Variants in RABGAP1 observed in about 807,000 individuals in gnomAD.
RABGAP1 encodes the protein rab GTPase-activating protein 1.
A neutral mutation model predicts 137.6 loss-of-function variants in RABGAP1; 23 were observed. The observed-to-expected ratio is 0.17, with a 90% CI of 0.12 to 0.24. The LOEUF is 0.24. Among genes scored for constraint, RABGAP1 ranks in the 10% least tolerant of loss-of-function variants. The pLI is 1.00. For synonymous variants in RABGAP1, 451 were observed against 450.7 expected (o/e 1.00, Z -0.01); for missense variants, 906 against 1,275.8 (o/e 0.71, Z 4.42).
intron 13 of RABGAP1, among the ~76,000 whole-genome samples, chr9:123,063,943 T>A (rs972863797): frequency 1.8e-4 from 28 of 152,236 alleles, no homozygotes; most frequent in South Asian, 8.3e-4. Flanking sequence ...TTCTAACTCT[T>A]CAGCTCTCTG....
intron 13 of RABGAP1, among the ~76,000 whole-genome samples, chr9:123,063,491 T>G (rs1291015770): frequency 4.6e-5 from 7 of 152,244 alleles, no homozygotes; most frequent in Admixed American, 6.5e-5. Context: ...CCAAACTGTT[T>G]ACAAAGTGTT....
chr9:122,953,279 A>C (rs1834347656), intron 1 of RABGAP1, among the ~76,000 whole-genome samples: 1 of 152,194 alleles, frequency 6.6e-6, no homozygotes, highest in Non-Finnish European at 1.5e-5. Context: ...GTGTATTGTT[A>C]AATGTTTTAT....
At chr9:122,984,884 G>A (rs1836285754) in intron 3 of RABGAP1, among the ~76,000 whole-genome samples, 165 bp downstream of exon 3, 1 of 152,114 alleles carries the variant, frequency 6.6e-6, no homozygotes, top group East Asian at 1.9e-4. Context: ...GGATGTGAGA[G>A]GAGTAAAAAT....
At chr9:123,061,370 C>T (rs1023087594) in intron 13 of RABGAP1, among the ~76,000 whole-genome samples, 4 of 152,230 alleles carry the variant, frequency 2.6e-5, no homozygotes, top group African/African-American at 9.6e-5. Context: ...TCGCCTCGGC[C>T]TCCCAAAGTG....
At chr9:122,966,706 C>A (rs1286987230) in intron 2 of RABGAP1, among the ~76,000 whole-genome samples, 1 of 151,908 alleles carries the variant, frequency 6.6e-6, no homozygotes, top group Non-Finnish European at 1.5e-5. Flanking sequence ...ATAAGAAAAC[C>A]CGGGTGTATT....
chr9:123,037,568 AAAC>A (rs1364564590), intron 13 of RABGAP1, among the ~76,000 whole-genome samples: 2 of 152,230 alleles, frequency 1.3e-5, no homozygotes, highest in Non-Finnish European at 2.9e-5. Flanking sequence ...CAGATCTAAA[AAAC>A]CAAAATTTAC....
At chr9:122,977,785 G>T (rs953404432) in intron 2 of RABGAP1, among the ~76,000 whole-genome samples, 1 of 152,164 alleles carries the variant, frequency 6.6e-6, no homozygotes, top group Admixed American at 6.5e-5. Flanking sequence ...CCAACTGAAG[G>T]TCTCTATCCA....
chr9:123,056,900 C>T (rs979732042), intron 13 of RABGAP1, among the ~76,000 whole-genome samples: 1 of 152,264 alleles, frequency 6.6e-6, no homozygotes, highest in Non-Finnish European at 1.5e-5. Flanking sequence ...CAGCAACCAT[C>T]CGATTTCTCA....
At chr9:122,995,295 A>T (rs1225480249) in intron 6 of RABGAP1, among the ~76,000 whole-genome samples, 1 of 152,202 alleles carries the variant, frequency 6.6e-6, no homozygotes, top group Non-Finnish European at 1.5e-5. Context: ...CTTTTTAAAG[A>T]TACCTTGCTT....
At chr9:122,948,731 GTGT>G (rs1834068195) in intron 1 of RABGAP1, among the ~76,000 whole-genome samples, 1 of 152,142 alleles carries the variant, frequency 6.6e-6, no homozygotes, top group Non-Finnish European at 1.5e-5. Flanking sequence ...TTTTGTGACT[GTGT>G]TAACTGTTTT....
intron 13 of RABGAP1, chr9:123,061,808 TGCC>T (rs1477046354): frequency 6.6e-6 from 1 of 152,244 alleles, no homozygotes; most frequent in Non-Finnish European, 1.5e-5. Flanking sequence ...TGTGCACTGT[TGCC>T]GTAAGTACAT....
chr9:123,058,383 T>C (rs945125343), intron 13 of RABGAP1, among the ~76,000 whole-genome samples: 1 of 152,196 alleles, frequency 6.6e-6, no homozygotes, highest in Non-Finnish European at 1.5e-5. Flanking sequence ...GGTTATAACC[T>C]AAAAAGTTTG....
At chr9:123,018,959 A>C (rs1033025221) in intron 12 of RABGAP1, among the ~76,000 whole-genome samples, 1 of 152,168 alleles carries the variant, frequency 6.6e-6, no homozygotes, top group Non-Finnish European at 1.5e-5. Flanking sequence ...CATTAGTCTT[A>C]AGAATTTGAG....
In RABGAP1 at chr9:123,099,464, ATT is replaced by A. The variant is rs1256610215; in HGVS notation, c.2818-12_2818-11del. On this transcript the variant is annotated splice_polypyrimidine_tract_variant and intron_variant, in intron 23 of 25. Coordinates refer to ENST00000373647, the MANE Select transcript of RABGAP1 (RefSeq NM_012197.4). ...ATTGCTCAAGAGATTGTTGTTTTAT[ATT>A]TGTTTCTTTAGATTTGTTCTCAGTT... 6.3e-7 allele frequency: 1 copy of A among 1,596,686 alleles called. No homozygotes were observed. The highest frequency in any genetic ancestry group is 1.1e-5 in the South Asian group (1 of 90,518).
intron 13 of RABGAP1, among the ~76,000 whole-genome samples, chr9:123,056,903 ATT>A (rs1337548688): frequency 6.6e-6 from 1 of 152,168 alleles, no homozygotes; most frequent in East Asian, 1.9e-4. Context: ...CAACCATCCG[ATT>A]TCTCAATCTT....
chr9:122,972,077 AG>A (rs1835500620), intron 2 of RABGAP1: 1 of 152,182 alleles, frequency 6.6e-6, no homozygotes, highest in African/African-American at 2.4e-5. Flanking sequence ...CTTATAGCTT[AG>A]GGCAGATGAC....
At chr9:122,966,744 C>T (rs1835173487) in intron 2 of RABGAP1, among the ~76,000 whole-genome samples, 2 of 152,020 alleles carry the variant, frequency 1.3e-5, no homozygotes, top group South Asian at 2.1e-4. Context: ...CTGATAAAGA[C>T]GCACCTGAGA....
At chr9:123,025,534 C>CTTTCT (rs1371433697) in intron 13 of RABGAP1, among the ~76,000 whole-genome samples, 3 of 35,094 alleles carry the variant, frequency 8.5e-5, no homozygotes, top group Admixed American at 2.4e-4. Flanking sequence ...TTGTTCAGAT[C>CTTTCT]TTTCTTTTCT....
At chr9:122,943,193 C>T (rs1263039848) in intron 1 of RABGAP1, among the ~76,000 whole-genome samples, 1 of 149,058 alleles carries the variant, frequency 6.7e-6, no homozygotes, top group Non-Finnish European at 1.5e-5. Flanking sequence ...ATTCTCCTGA[C>T]TCAGCTTGGG....
Sources: gnomAD v4.1 joint callset for allele counts (sites outside exome capture counted in the v4.1 genomes callset) on GRCh38, gnomAD v4.1.1 for gene constraint, MANE v1.5 for transcripts, NCBI Gene and HGNC (gene_info 2026-07-23, HGNC 2026-07-21) for gene names.